ZNF565: variants seen among roughly 807,000 people sequenced by gnomAD.
The protein encoded by ZNF565 is zinc finger protein 565.
Under a neutral mutation model 39.4 loss-of-function variants are expected in ZNF565, and 27 were observed. The observed-to-expected ratio is 0.69, with a 90% CI of 0.51 to 0.95. ZNF565 has a LOEUF of 0.95. Among genes scored for constraint, ZNF565 ranks in the 40% least tolerant of loss-of-function variants. ZNF565 has a pLI of 0.00. For synonymous variants in ZNF565, 185 were observed against 216.6 expected (o/e 0.85, Z 1.28); for missense variants, 524 against 621.1 (o/e 0.84, Z 1.66).
intron 1 of ZNF565, 56 bp from the exon 2 acceptor site, chr19:36,202,106 C>A: frequency 2.2e-6 from 2 of 925,118 alleles, no homozygotes; most frequent in Non-Finnish European, 3.6e-6. Flanking sequence ...GAGCTTGCCT[C>A]AGCACTCCCA....
At chr19:36,190,432 C>T (rs551088529) in intron 4 of ZNF565, among the ~76,000 whole-genome samples, 220 of 151,602 alleles carry the variant, frequency 1.5e-3, no homozygotes, top group African/African-American at 5.0e-3. Flanking sequence ...CAAAATTAGC[C>T]GGGCGTGGTG....
chr19:36,226,618 C>G (rs1282234548), intron 1 of ZNF565, among the ~76,000 whole-genome samples: 1 of 152,052 alleles, frequency 6.6e-6, no homozygotes, highest in Non-Finnish European at 1.5e-5. Flanking sequence ...GACATGCTTC[C>G]TTTATCTATA....
In ZNF565 at chr19:36,206,459, G is replaced by T. The variant is rs1021106704; in HGVS notation, c.-65-4409C>A. Among the ~76,000 whole-genome samples the T allele has an allele frequency of 3.2e-4, 47 of 145,196 alleles. 1 individual carries two copies. Among genetic ancestry groups the T allele is most frequent in the Admixed American group, 9.0e-4 (13 of 14,472 alleles). The stretch of plus-strand genomic sequence containing the variant: ...CCCCCATCTCTACAAAAAATTTGAA[G>T]AAAAAAAAAAGAAAAAAGATGAGAT... On this transcript the variant is annotated intron_variant, in intron 1 of 4. Transcript: ENST00000304116.
intron 1 of ZNF565, among the ~76,000 whole-genome samples, chr19:36,229,218 C>T (rs1421777896): frequency 6.6e-6 from 1 of 152,174 alleles, no homozygotes; most frequent in Non-Finnish European, 1.5e-5. Flanking sequence ...TGGCTGAATG[C>T]CTCAGAATTA....
chr19:36,184,622 C>T (rs769323201), intron 4 of ZNF565, among the ~76,000 whole-genome samples: 5 of 152,094 alleles, frequency 3.3e-5, no homozygotes, highest in Non-Finnish European at 7.3e-5. Flanking sequence ...AGTCACTCCC[C>T]ATTCCCTATT....
At chr19:36,209,770 CTG>C (rs948722856) in intron 1 of ZNF565, among the ~76,000 whole-genome samples, 1 of 152,016 alleles carries the variant, frequency 6.6e-6, no homozygotes, top group Non-Finnish European at 1.5e-5. Context: ...TTTTAGAAAA[CTG>C]TATTTTCACT....
At chr19:36,195,520 C>A (rs75236892) in intron 2 of ZNF565, among the ~76,000 whole-genome samples, 1,988 of 149,836 alleles carry the variant, frequency 0.013, 39 homozygotes, top group African/African-American at 0.045. Flanking sequence ...ATTCTAATTG[C>A]CCCAGTGTTC....
chr19:36,192,106 A>G (rs971602047), intron 4 of ZNF565, among the ~76,000 whole-genome samples: 1 of 149,182 alleles, frequency 6.7e-6, no homozygotes, highest in African/African-American at 2.5e-5. Context: ...CTCCTGTCTC[A>G]GCCTCCTGAG....
chr19:36,188,711 C>CAAAAAAA, intron 4 of ZNF565, among the ~76,000 whole-genome samples: 1 of 76,082 alleles, frequency 1.3e-5, no homozygotes, highest in South Asian at 4.5e-4. Flanking sequence ...GACTCCGTCT[C>CAAAAAAA]AAAAAAAAAA....
At chr19:36,188,383 A>G (rs1269942412) in intron 4 of ZNF565, among the ~76,000 whole-genome samples, 1 of 151,520 alleles carries the variant, frequency 6.6e-6, no homozygotes, top group African/African-American at 2.4e-5. Flanking sequence ...AGAGAGAGAA[A>G]AAAAAATTAA....
chr19:36,243,365 G>A (rs915643360), intron 1 of ZNF565, among the ~76,000 whole-genome samples: 12 of 152,136 alleles, frequency 7.9e-5, no homozygotes, highest in African/African-American at 2.9e-4. Flanking sequence ...CTCAGGGAAG[G>A]CAGACTTCCA....
chr19:36,224,109 C>T (rs1377327815), intron 1 of ZNF565, among the ~76,000 whole-genome samples: 5 of 152,148 alleles, frequency 3.3e-5, no homozygotes, highest in Non-Finnish European at 5.9e-5. Context: ...TGGCTGGGCA[C>T]GGTGGCTCAC....
intron 4 of ZNF565, among the ~76,000 whole-genome samples, chr19:36,184,241 AG>A (rs1975209364): frequency 6.6e-6 from 1 of 151,944 alleles, no homozygotes; most frequent in African/African-American, 2.4e-5. Flanking sequence ...GAAGGGAGCA[AG>A]AAGACAAATT....
chr19:36,216,487 A>AG (rs1444826921), upstream of ZNF565, among the ~76,000 whole-genome samples: 3 of 152,074 alleles, frequency 2.0e-5, no homozygotes, highest in South Asian at 2.1e-4. Flanking sequence ...CTAAAAAAAA[A>AG]TAAAATAAAA....
In ZNF565 at chr19:36,206,231, GATTA is replaced by G. The variant is rs1386894706; in HGVS notation, c.-65-4185_-65-4182del. Among the ~76,000 whole-genome samples the G allele has an allele frequency of 2.6e-5, 4 of 152,180 alleles. 1 individual carries two copies. The East Asian group carries it at 7.7e-4, about 29-fold the overall frequency. On this transcript the variant is annotated intron_variant, in intron 1 of 4. Coordinates refer to ENST00000304116, the MANE Select transcript of ZNF565 (RefSeq NM_152477.5). The stretch of plus-strand genomic sequence containing the variant: ...CCACTTCAGCCTCCCAAAGTGCTGG[GATTA>G]CAGGTGTGGGCCATTGTGTCTGGCT...
chr19:36,201,151 A>T (rs1390782155), intron 2 of ZNF565, among the ~76,000 whole-genome samples: 1 of 152,034 alleles, frequency 6.6e-6, no homozygotes, highest in Non-Finnish European at 1.5e-5. Flanking sequence ...AAACTTAAAA[A>T]ATTAGCTGGT....
chr19:36,188,289 A>G (rs1045292831), intron 4 of ZNF565, among the ~76,000 whole-genome samples: 2 of 151,346 alleles, frequency 1.3e-5, no homozygotes, highest in Admixed American at 1.3e-4. Context: ...TGGGAGGCGG[A>G]GGTTGCAGTG....
chr19:36,213,899 C>T (rs1976472767), intron 1 of ZNF565, among the ~76,000 whole-genome samples: 1 of 146,464 alleles, frequency 6.8e-6, no homozygotes, highest in Non-Finnish European at 1.5e-5. Context: ...CTAAGACACA[C>T]CCAGTCACAC....
chr19:36,188,852 C>T (rs1450321339), intron 4 of ZNF565, among the ~76,000 whole-genome samples: 1 of 151,878 alleles, frequency 6.6e-6, no homozygotes, highest in Non-Finnish European at 1.5e-5. Context: ...GAATATTATT[C>T]AGCCATAAAA....
Sources: allele counts gnomAD v4.1 joint callset (sites outside exome capture counted in the v4.1 genomes callset), GRCh38; gene constraint gnomAD v4.1.1; transcripts MANE v1.5; gene names NCBI Gene and HGNC (gene_info 2026-07-23, HGNC 2026-07-21).